The following EPHA4 variants were observed in gnomAD, a reference collection of about 807,000 sequenced individuals.
The protein encoded by EPHA4 is ephrin type-A receptor 4.
In EPHA4, 19 loss-of-function variants were observed where a neutral mutation model predicts 108.3. The ratio of observed to expected loss-of-function variants is 0.18; its 90% CI spans 0.12 to 0.26. The LOEUF (loss-of-function observed/expected upper bound fraction) is 0.26, where lower values mean the gene tolerates loss of function less well. Ranked by LOEUF, EPHA4 falls within the 10% of genes least tolerant of loss-of-function variation. The probability of loss-of-function intolerance (pLI) is 1.00; values close to 1 mark genes in which losing one functional copy is unlikely to be tolerated. For synonymous variants in EPHA4, 449 were observed against 455.5 expected, an observed-to-expected ratio of 0.99 and a Z score of 0.18; for missense variants, 917 against 1,254.0, an observed-to-expected ratio of 0.73 and a Z score of 4.06.
chr2:221,489,812 T>A (rs1692085677), intron 4 of EPHA4, among the ~76,000 whole-genome samples: 1 of 152,146 alleles, frequency 6.6e-6, no homozygotes, highest in African/African-American at 2.4e-5. Context: ...TGATGATGCT[T>A]TAGCCCAGTC....
intron 9 of EPHA4, among the ~76,000 whole-genome samples, chr2:221,445,795 C>G (rs989945116): frequency 1.3e-5 from 2 of 151,972 alleles, no homozygotes; most frequent in African/African-American, 4.8e-5. Flanking sequence ...CCTCAAATTT[C>G]CAGCTTAGAT....
chr2:221,483,742 G>A (rs546290357), intron 4 of EPHA4, among the ~76,000 whole-genome samples: 9 of 152,092 alleles, frequency 5.9e-5, no homozygotes, highest in Middle Eastern at 3.4e-3. Context: ...TCAAGTGATC[G>A]GCCTACCTTG....
intron 5 of EPHA4, 96 bp from the exon 6 acceptor site, chr2:221,458,086 T>C (rs1305838321): frequency 1.4e-6 from 2 of 1,460,038 alleles, no homozygotes; most frequent in African/African-American, 1.4e-5. Flanking sequence ...TTAAGAAAAG[T>C]GTGAAAGATT....
chr2:221,502,077 C>T (rs1692505814), intron 3 of EPHA4, among the ~76,000 whole-genome samples: 1 of 152,058 alleles, frequency 6.6e-6, no homozygotes, highest in Non-Finnish European at 1.5e-5. Context: ...ATGACTTCAT[C>T]TTCATAAACA....
chr2:221,478,944 G>A (rs779542509), intron 5 of EPHA4, among the ~76,000 whole-genome samples: 2 of 152,176 alleles, frequency 1.3e-5, no homozygotes, highest in South Asian at 4.1e-4. Flanking sequence ...TGTGTCAACT[G>A]GTTTTCAACC....
intron 2 of EPHA4, among the ~76,000 whole-genome samples, chr2:221,566,969 G>GAAGAAGAAGAAGAAGAAGAAGAAGAAGAA (rs1553595985): frequency 7.2e-5 from 2 of 27,648 alleles, no homozygotes; most frequent in Non-Finnish European, 1.2e-4. Context: ...AAGAGGAAGA[G>GAAGAAGAAGAAGAAGAAGAAGAAGAAGAA]GAAGAAGAAG....
At chr2:221,570,084 G>A (rs1694780840) in intron 1 of EPHA4, among the ~76,000 whole-genome samples, 1 of 151,296 alleles carries the variant, frequency 6.6e-6, no homozygotes, top group African/African-American at 2.4e-5. Flanking sequence ...ATTTATGTAA[G>A]GTGGATTAGG....
At chr2:221,551,182 C>T (rs1161449132) in intron 3 of EPHA4, among the ~76,000 whole-genome samples, 2 of 151,986 alleles carry the variant, frequency 1.3e-5, no homozygotes. Context: ...ACTATTTGCT[C>T]TCTAGAAAAC....
chr2:221,450,855 G>T (rs1185717719), intron 8 of EPHA4, among the ~76,000 whole-genome samples: 1 of 152,166 alleles, frequency 6.6e-6, no homozygotes, highest in East Asian at 1.9e-4. Flanking sequence ...TATCCTTTAA[G>T]AAATAGGGGC....
intron 3 of EPHA4, among the ~76,000 whole-genome samples, chr2:221,551,368 T>A (rs1440618658): frequency 6.6e-6 from 1 of 152,150 alleles, no homozygotes; most frequent in Non-Finnish European, 1.5e-5. Context: ...AATCACTATC[T>A]CTTGTAGAAG....
intron 3 of EPHA4, among the ~76,000 whole-genome samples, chr2:221,553,169 G>T (rs540618467): frequency 2.0e-5 from 3 of 152,110 alleles, no homozygotes; most frequent in African/African-American, 7.2e-5. Context: ...ATAATTAAGG[G>T]CCTAAAGATT....
chr2:221,541,772 C>CTTTATATTTTGTACATTGCA (rs1693846854), intron 3 of EPHA4, among the ~76,000 whole-genome samples: 1 of 152,138 alleles, frequency 6.6e-6, no homozygotes, highest in Admixed American at 6.5e-5. Context: ...GAGTAATACT[C>CTTTATATTTTGTACATTGCA]TTTATATTTT....
intron 5 of EPHA4, among the ~76,000 whole-genome samples, chr2:221,473,570 A>C (rs985342093): frequency 1.3e-5 from 2 of 151,388 alleles, no homozygotes; most frequent in Non-Finnish European, 2.9e-5. Context: ...AAAAAAAAAA[A>C]AAAACTATTT....
At chr2:221,552,018 T>C (rs1429988235) in intron 3 of EPHA4, among the ~76,000 whole-genome samples, 1 of 152,152 alleles carries the variant, frequency 6.6e-6, no homozygotes, top group Non-Finnish European at 1.5e-5. Context: ...AAGAACACAG[T>C]AATGAAATCT....
chr2:221,490,005 G>T (rs12990760), intron 4 of EPHA4, among the ~76,000 whole-genome samples: 63,867 of 151,636 alleles, frequency 0.42, 13,529 homozygotes, highest in East Asian at 0.53. Flanking sequence ...AATTAGCCAG[G>T]TGTAGTGGCA....
intron 5 of EPHA4, among the ~76,000 whole-genome samples, chr2:221,468,488 C>T (rs1324793844): frequency 1.3e-5 from 2 of 152,212 alleles, no homozygotes; most frequent in South Asian, 4.1e-4. Flanking sequence ...GCTTCAGGTT[C>T]TCTTTGTTAC....
intron 3 of EPHA4, among the ~76,000 whole-genome samples, chr2:221,522,329 T>C (rs1574631847): frequency 6.6e-6 from 1 of 152,168 alleles, no homozygotes; most frequent in South Asian, 2.1e-4. Context: ...TCTTGGATTG[T>C]CAATATCACA....
intron 3 of EPHA4, among the ~76,000 whole-genome samples, chr2:221,561,434 C>G (rs999670970): frequency 6.6e-6 from 1 of 151,570 alleles, no homozygotes; most frequent in African/African-American, 2.4e-5. Context: ...GAAAAAAAAG[C>G]AAAATAACAA....
intron 3 of EPHA4, among the ~76,000 whole-genome samples, chr2:221,525,284 C>A (rs553008377): frequency 6.6e-6 from 1 of 152,118 alleles, no homozygotes; most frequent in Non-Finnish European, 1.5e-5. Flanking sequence ...TGAAAACAGG[C>A]GTGAGACTCA....
Sources: allele counts gnomAD v4.1 joint callset (sites outside exome capture counted in the v4.1 genomes callset), GRCh38; gene constraint gnomAD v4.1.1; transcripts MANE v1.5; gene names NCBI Gene and HGNC (gene_info 2026-07-23, HGNC 2026-07-21).